The following COA4 variants were observed in gnomAD, a reference collection of about 807,000 sequenced individuals.
COA4 encodes cytochrome c oxidase assembly factor 4 homolog.
A neutral mutation model predicts 7.3 loss-of-function variants in COA4; 8 were observed. The ratio of observed to expected loss-of-function variants is 1.10; its 90% CI spans 0.64 to 1.98. The LOEUF is 1.98. Among genes scored for constraint, COA4 ranks in the 30% most tolerant of loss-of-function variants. COA4 has a pLI of 0.00. For missense variants in COA4, 96 were observed against 111.2 expected (o/e 0.86, Z 0.62); for synonymous variants, 42 against 44.3 (o/e 0.95, Z 0.21).
rs1322906999 is a variant in COA4, at chr11:73,876,809, G to A, written c.-69C>T. 4.6e-6 allele frequency: 2 copies of A among 436,958 alleles called. No homozygotes were observed. The highest frequency in any genetic ancestry group is 1.3e-4 in the South Asian group (2 of 15,084). 27.1% of individuals were successfully genotyped at this position (436,958 alleles called of 1,614,324 possible). A position where few individuals can be genotyped will look rare whatever the true frequency, so the allele number is the denominator to read the frequency against. On this transcript the variant is annotated 5_prime_UTR_variant, in exon 1 of 2. Transcript: ENST00000355693. ...CGCACGCTCCTACGCGGCGGCTTGG[G>A]TTTCGCAGGCGGTTGGGGATCCTCT...
rs1948753969 is a variant in COA4, at chr11:73,876,793, C to T, written c.-53G>A. The T allele has an allele frequency of 2.4e-6, 1 of 411,376 alleles. No homozygotes were observed. Among genetic ancestry groups the T allele is most frequent in the Admixed American group, 4.5e-5 (1 of 22,228 alleles). 25.5% of individuals were successfully genotyped at this position (411,376 alleles called of 1,614,324 possible). ...GAGAAGAGGGCCCGAACGCACGCTC[C>T]TACGCGGCGGCTTGGGTTTCGCAGG... is the stretch of plus-strand genomic sequence containing the variant. On this transcript the variant is annotated 5_prime_UTR_variant, in exon 1 of 2. The change abolishes the stop of an existing upstream ORF in the 5' untranslated region. Transcript: ENST00000355693.
At chr11:73,874,746 G>A (rs1445741235) in intron 1 of COA4, among the ~76,000 whole-genome samples, 1 of 152,196 alleles carries the variant, frequency 6.6e-6, no homozygotes, top group African/African-American at 2.4e-5. Context: ...CCAGCAATTT[G>A]GGAGCCCGAG....
At chr11:73,876,693 G>T (rs913042706) in intron 1 of COA4, 64 bp downstream of exon 1, 3 of 242,842 alleles carry the variant, frequency 1.2e-5, no homozygotes, top group Non-Finnish European at 2.4e-5. Flanking sequence ...CGCGCGCGCG[G>T]CCGCTGATCG....
chr11:73,875,659 CAT>C (rs762602932), intron 1 of COA4: 22 of 144,086 alleles, frequency 1.5e-4, no homozygotes, highest in African/African-American at 3.8e-4. Context: ...GAATCTGACA[CAT>C]GAGAGCAAAA....
chr11:73,876,715 T>C (rs1383201359), intron 1 of COA4, 42 bp downstream of exon 1: 1 of 284,530 alleles, frequency 3.5e-6, no homozygotes, highest in East Asian at 5.7e-5. Flanking sequence ...AGCCCCGTTG[T>C]GCCCGCAACG....
chr11:73,873,533 C>CTTT, intron 1 of COA4, 139 bp from the exon 2 acceptor site: 8 of 538,926 alleles, frequency 1.5e-5, no homozygotes, highest in Admixed American at 3.9e-5. Flanking sequence ...AAGACAGATG[C>CTTT]TTGTTTTTTT....
intron 1 of COA4, chr11:73,876,169 G>C (rs1948743398): frequency 6.6e-6 from 1 of 151,672 alleles, no homozygotes; most frequent in South Asian, 2.1e-4. Context: ...GGTTTGTAAG[G>C]AGGCTGGTAT....
intron 1 of COA4, 139 bp from the exon 2 acceptor site, chr11:73,873,533 CTTGTTTT>C: frequency 3.0e-5 from 16 of 539,010 alleles, no homozygotes; most frequent in Non-Finnish European, 3.9e-5. Context: ...AAGACAGATG[CTTGTTTT>C]TTTTTTTTTT....
Sources: gnomAD v4.1 joint callset for allele counts (sites outside exome capture counted in the v4.1 genomes callset) on GRCh38, gnomAD v4.1.1 for gene constraint, MANE v1.5 for transcripts, NCBI Gene and HGNC (gene_info 2026-07-23, HGNC 2026-07-21) for gene names.